Variants in GSDMC observed in about 807,000 individuals in gnomAD.
The protein encoded by GSDMC is gasdermin-C.
Under a neutral mutation model 58.0 loss-of-function variants are expected in GSDMC, and 59 were observed. The ratio of observed to expected loss-of-function variants is 1.02; its 90% CI spans 0.82 to 1.26. The LOEUF (loss-of-function observed/expected upper bound fraction) is 1.26, where lower values mean the gene tolerates loss of function less well. GSDMC is among the 50% of genes most tolerant of loss of function. GSDMC has a pLI of 0.00. For synonymous variants in GSDMC, 241 were observed against 220.2 expected (o/e 1.09, Z -0.83); for missense variants, 659 against 598.5 (o/e 1.10, Z -1.06).
chr8:129,772,872 A>C (rs2034107104), intron 3 of GSDMC, among the ~76,000 whole-genome samples: 1 of 152,260 alleles, frequency 6.6e-6, no homozygotes, highest in Non-Finnish European at 1.5e-5. Context: ...CCTTAACAAA[A>C]TTTTAGCAAA....
In GSDMC at chr8:129,766,453, G is replaced by C. The variant is rs143157040; in HGVS notation, c.405-660C>G. 2.1e-3 allele frequency among the ~76,000 whole-genome samples: 318 copies of C among 152,310 alleles called. 1 individual carries two copies. Among genetic ancestry groups the C allele is most frequent in the African/African-American group, 7.2e-3 (300 of 41,554 alleles). Reference sequence around the variant, plus strand: ...CATGGAGTCAGTGTCCTAGATAACAGTCATGTGGAATATTGAGGGATTCTT... The same window carrying C: ...CATGGAGTCAGTGTCCTAGATAACACTCATGTGGAATATTGAGGGATTCTT... On this transcript the variant is annotated intron_variant, in intron 3 of 13. Coordinates refer to ENST00000276708, the MANE Select transcript of GSDMC (RefSeq NM_031415.3).
intron 10 of GSDMC, 51 bp downstream of exon 10, chr8:129,751,491 A>T: frequency 6.6e-7 from 1 of 1,522,066 alleles, no homozygotes; most frequent in Non-Finnish European, 9.0e-7. Flanking sequence ...GGGTGCTCAG[A>T]CTTGCAGCTC....
At chr8:129,732,148 C>G in the GSDMC span, among the ~76,000 whole-genome samples, 9 of 152,254 alleles carry the variant, frequency 5.9e-5, no homozygotes, top group South Asian at 1.2e-3. Flanking sequence ...TATAAAAGAG[C>G]CTTCAGGGAG....
chr8:129,751,996 C>CT, intron 8 of GSDMC, 105 bp from the exon 9 acceptor site: 1 of 1,467,698 alleles, frequency 6.8e-7, no homozygotes, highest in Non-Finnish European at 9.6e-7. Context: ...TGTTCCTGCC[C>CT]TTTTCCCCAG....
At chr8:129,785,555 T>C (rs1328455978) in intron 1 of GSDMC, among the ~76,000 whole-genome samples, 2 of 151,642 alleles carry the variant, frequency 1.3e-5, no homozygotes, top group Non-Finnish European at 2.9e-5. Context: ...AACAGTATAA[T>C]TGTATTGTTA....
chr8:129,728,672 T>C, the GSDMC span: 1 of 350,722 alleles, frequency 2.9e-6, no homozygotes, highest in Non-Finnish European at 5.5e-6. Context: ...GGATCAAGTA[T>C]ATACCCAGCC....
intron 1 of GSDMC, among the ~76,000 whole-genome samples, chr8:129,782,880 A>C (rs2034454438): frequency 6.6e-6 from 1 of 152,008 alleles, no homozygotes; most frequent in African/African-American, 2.4e-5. Context: ...TTACCCTAAT[A>C]AAAAACAAGA....
chr8:129,756,468 A>T (rs914140056), intron 6 of GSDMC, among the ~76,000 whole-genome samples: 12 of 152,132 alleles, frequency 7.9e-5, no homozygotes, highest in Non-Finnish European at 1.5e-4. Context: ...AGACCTCAAC[A>T]CCCTACTTTC....
intron 13 of GSDMC, among the ~76,000 whole-genome samples, chr8:129,749,144 G>C (rs567435225): frequency 6.6e-6 from 1 of 152,284 alleles, no homozygotes; most frequent in East Asian, 1.9e-4. Flanking sequence ...GTAACAGTGT[G>C]ACTAGAGCAG....
the GSDMC span, among the ~76,000 whole-genome samples, chr8:129,723,456 C>T: frequency 1.5e-5 from 2 of 132,372 alleles, no homozygotes; most frequent in Non-Finnish European, 3.1e-5. Context: ...TTAGTAGAGA[C>T]AGGGTTTCAA....
chr8:129,729,088 A>G, the GSDMC span: 1 of 637,486 alleles, frequency 1.6e-6, no homozygotes, highest in South Asian at 1.5e-5. Context: ...AAGCATCAGA[A>G]GAAACAGATG....
downstream of GSDMC, among the ~76,000 whole-genome samples, chr8:129,745,600 T>C (rs1437123618): frequency 6.6e-6 from 1 of 152,078 alleles, no homozygotes; most frequent in East Asian, 1.9e-4. Flanking sequence ...TTATTTATTT[T>C]CTCTTTTTTT....
At chr8:129,752,624 C>A in intron 7 of GSDMC, 74 bp downstream of exon 7, 1 of 1,569,600 alleles carries the variant, frequency 6.4e-7, no homozygotes, top group Non-Finnish European at 8.6e-7. Context: ...CACATAAACA[C>A]CAAATTTTAA....
At chr8:129,713,091 C>G in the GSDMC span, among the ~76,000 whole-genome samples, 1 of 152,254 alleles carries the variant, frequency 6.6e-6, no homozygotes, top group African/African-American at 2.4e-5. Flanking sequence ...TTGCTCCTCA[C>G]TCCTCCCTGG....
intron 6 of GSDMC, among the ~76,000 whole-genome samples, chr8:129,760,278 T>G (rs2033606987): frequency 6.6e-6 from 1 of 152,064 alleles, no homozygotes; most frequent in South Asian, 2.1e-4. Flanking sequence ...CTAGAAAGAA[T>G]GAATAATACC....
chr8:129,723,262 A>G, the GSDMC span, among the ~76,000 whole-genome samples: 2 of 151,950 alleles, frequency 1.3e-5, no homozygotes, highest in East Asian at 1.9e-4. Context: ...GTTTTTTGAG[A>G]TGGAGTCTCT....
chr8:129,777,507 T>C lies in GSDMC; in HGVS notation c.81A>G (p.Leu27=). ...GSKDLTPVKY[L]LSATKLRQFV... is the part of the protein sequence containing the mutation. ...ACTGACGTAATTTGGTGGCACTCAA[T>C]AGGTATTTGACAGGTGTCAGGTCTT... Residue 27 remains leucine (L), a synonymous_variant, in exon 2 of 14, where the codon CTA becomes CTG. Transcript: ENST00000276708. The C allele has an allele frequency of 1.2e-6, 2 of 1,613,192 alleles. No homozygotes were observed. Among genetic ancestry groups the C allele is most frequent in the South Asian group, 1.1e-5 (1 of 91,062 alleles).
chr8:129,754,629 A>AAGG (rs1353565811), intron 6 of GSDMC, among the ~76,000 whole-genome samples: 1 of 152,240 alleles, frequency 6.6e-6, no homozygotes. Context: ...ACCAGGGACA[A>AAGG]ATCCTGGAAG....
chr8:129,761,573 T>G (rs2033662337), intron 5 of GSDMC, among the ~76,000 whole-genome samples: 1 of 152,224 alleles, frequency 6.6e-6, no homozygotes, highest in Non-Finnish European at 1.5e-5. Context: ...TCATTTTCTG[T>G]TTGTTGTTGA....
Sources: gnomAD v4.1 joint callset for allele counts (sites outside exome capture counted in the v4.1 genomes callset) on GRCh38, gnomAD v4.1.1 for gene constraint, MANE v1.5 for transcripts, NCBI Gene and HGNC (gene_info 2026-07-23, HGNC 2026-07-21) for gene names.